Variants in MZT2A observed in about 807,000 individuals in gnomAD.
MZT2A encodes the protein mitotic spindle organizing protein 2A, also known as mitotic-spindle organizing protein 2A.
Under a neutral mutation model 12.4 loss-of-function variants are expected in MZT2A, and 8 were observed. The ratio of observed to expected loss-of-function variants is 0.64; its 90% CI spans 0.38 to 1.16. The LOEUF (loss-of-function observed/expected upper bound fraction) is 1.16. Among genes scored for constraint, MZT2A ranks in the 50% most tolerant of loss-of-function variants. MZT2A has a pLI of 0.01. For synonymous variants in MZT2A, 88 were observed against 107.5 expected, an observed-to-expected ratio of 0.82 and a Z score of 1.12; for missense variants, 181 against 223.6, an observed-to-expected ratio of 0.81 and a Z score of 1.22.
rs575592784 is a variant in MZT2A, at chr2:131,477,039, T to C, written c.279-4857A>G. 5.8e-5 allele frequency among the ~76,000 whole-genome samples: 7 copies of C among 120,098 alleles called. No individual in the cohort carries two copies. In the South Asian group the frequency reaches 1.5e-3, roughly 26 times the overall value. 78.8% of individuals were successfully genotyped at this position (120,098 alleles called of 152,430 possible). On this transcript the variant is annotated intron_variant and NMD_transcript_variant, in intron 2 of 4. Coordinates refer to the MZT2A transcript ENST00000427024. ...CTTTTTTTCCTTTCTTTTTCTTTCTTTTTTTTTTTTGAGACAGCACTCAAC... is the reference window on the plus strand; with the variant it reads ...CTTTTTTTCCTTTCTTTTTCTTTCTCTTTTTTTTTTGAGACAGCACTCAAC...
upstream of MZT2A, chr2:131,493,124 C>A (rs1573881869): frequency 6.7e-7 from 1 of 1,483,784 alleles, no homozygotes; most frequent in Non-Finnish European, 9.0e-7. Context: ...AAGCGGGCGA[C>A]GCTATGGGTC....
downstream of MZT2A, among the ~76,000 whole-genome samples, chr2:131,479,838 TCAAA>T (rs201000908): frequency 0.016 from 2,412 of 152,170 alleles, 57 homozygotes; most frequent in African/African-American, 0.054. Context: ...AGATTCCGTC[TCAAA>T]CAAACAAGCA....
chr2:131,474,516 T>G (rs1244540396), intron 2 of MZT2A, among the ~76,000 whole-genome samples: 2 of 151,274 alleles, frequency 1.3e-5, no homozygotes, highest in African/African-American at 4.9e-5. Context: ...TTCAAGTGAT[T>G]ATCCTACCTC....
intron 2 of MZT2A, chr2:131,478,302 T>C: frequency 1.2e-6 from 2 of 1,614,004 alleles, no homozygotes; most frequent in South Asian, 1.1e-5. Flanking sequence ...CGGGGACGAC[T>C]CCTTCAACAC....
chr2:131,471,216 G>C lies in MZT2A; in HGVS notation c.393+852C>G, dbSNP rs1440202425. ...CTGTGACTGTGTCAAGCAATGAGAC[G>C]CTGCCCAGCCCACACTGCACTCCCA... is the stretch of plus-strand genomic sequence containing the variant. On this transcript the variant is annotated intron_variant and NMD_transcript_variant, in intron 3 of 4. Transcript: ENST00000427024. Among the ~76,000 whole-genome samples, 6 of 140,010 alleles carry C rather than the reference G, an allele frequency of 4.3e-5. 2 individuals carry two copies. The highest frequency in any genetic ancestry group is 1.7e-4 in the African/African-American group (5 of 29,988). The allele number at this position is 140,010 out of a possible 152,430, so 91.9% of individuals were successfully genotyped here. A position where few individuals can be genotyped will look rare whatever the true frequency, so the allele number is the denominator to read the frequency against.
At chr2:131,493,632 T>C (rs1679437349), upstream of MZT2A, among the ~76,000 whole-genome samples, 2 of 152,034 alleles carry the variant, frequency 1.3e-5, no homozygotes, top group Admixed American at 6.5e-5. Flanking sequence ...TTGCTTGGAA[T>C]GATTAGCGTT....
downstream of MZT2A, among the ~76,000 whole-genome samples, chr2:131,481,654 C>T (rs1244337636): frequency 1.3e-5 from 2 of 152,020 alleles, no homozygotes; most frequent in South Asian, 2.1e-4. Context: ...AGGCTGGTCT[C>T]GAACTCCTGG....
At chr2:131,493,195 G>C, upstream of MZT2A, 1 of 1,398,122 alleles carries the variant, frequency 7.2e-7, no homozygotes, top group Non-Finnish European at 9.3e-7. Context: ...GGGCTTCCGC[G>C]AGCCCCTGCG....
chr2:131,486,851 C>T (rs943235770), intron 2 of MZT2A, among the ~76,000 whole-genome samples: 31 of 152,196 alleles, frequency 2.0e-4, no homozygotes, highest in Non-Finnish European at 3.7e-4. Context: ...CCAACATAAC[C>T]GTAAGCCATA....
chr2:131,475,285 G>C (rs894447286), intron 2 of MZT2A, among the ~76,000 whole-genome samples: 7 of 142,676 alleles, frequency 4.9e-5, no homozygotes, highest in South Asian at 2.3e-4. Context: ...CTGACCCAAC[G>C]TCTCCACTTA....
At position 131,488,652 on chromosome 2, in the gene MZT2A, T is replaced by G. The variant is rs566668755; in HGVS notation, c.319+3224A>C. Among the ~76,000 whole-genome samples, 6 of 152,172 alleles carry G rather than the reference T, an allele frequency of 3.9e-5. No homozygotes were observed. In the South Asian group the frequency reaches 1.0e-3, roughly 26 times the overall value. On this transcript the variant is annotated intron_variant, in intron 2 of 2. Coordinates refer to ENST00000309451, the MANE Select transcript of MZT2A (RefSeq NM_001085365.2). ...GGTCAGAAGCTGTAATATGTGGGCC[T>G]CAGAGAGCTCTCAGCATTCCATCTG...
downstream of MZT2A, chr2:131,479,562 G>A (rs540258250): frequency 1.7e-4 from 268 of 1,553,686 alleles, 1 homozygote; most frequent in Non-Finnish European, 1.9e-4. Context: ...CATCTTGGCC[G>A]GGCGCGGTGG....
downstream of MZT2A, chr2:131,482,411 A>G: frequency 7.5e-7 from 1 of 1,333,746 alleles, no homozygotes; most frequent in Non-Finnish European, 1.0e-6. Context: ...CCTGGTGCAG[A>G]GAAGGGCTTA....
chr2:131,477,104 C>A (rs1288289340), intron 2 of MZT2A, among the ~76,000 whole-genome samples: 1 of 151,048 alleles, frequency 6.6e-6, no homozygotes. Flanking sequence ...GTTGCAGGAT[C>A]ACGGCTCCCT....
chr2:131,489,487 C>A (rs186228535), intron 2 of MZT2A: 1 of 152,202 alleles, frequency 6.6e-6, no homozygotes, highest in Non-Finnish European at 1.5e-5. Context: ...GCCTCAGCCT[C>A]CCAAGTAGCT....
chr2:131,493,535 G>A (rs1198809791), upstream of MZT2A, among the ~76,000 whole-genome samples: 1 of 152,190 alleles, frequency 6.6e-6, no homozygotes, highest in Non-Finnish European at 1.5e-5. Context: ...CCGAGCCTTG[G>A]TTTCGGAGGC....
intron 2 of MZT2A, chr2:131,478,762 A>G (rs1678754175): frequency 3.3e-6 from 1 of 299,518 alleles, no homozygotes; most frequent in East Asian, 7.6e-5. Context: ...CATCTTAGGC[A>G]TAGAAGGTAA....
At chr2:131,492,754 AC>A, upstream of MZT2A, 1 of 956,030 alleles carries the variant, frequency 1.0e-6, no homozygotes, top group Non-Finnish European at 1.4e-6. Flanking sequence ...TCTGGTCCGC[AC>A]CGGTGCACCA....
chr2:131,489,011 C>T (rs1359124165), intron 2 of MZT2A, among the ~76,000 whole-genome samples: 1 of 151,778 alleles, frequency 6.6e-6, no homozygotes, highest in African/African-American at 2.4e-5. Flanking sequence ...CCCCACCTGC[C>T]TCCTCCTGCC....
Sources: gnomAD v4.1 joint callset for allele counts (sites outside exome capture counted in the v4.1 genomes callset) on GRCh38, gnomAD v4.1.1 for gene constraint, MANE v1.5 for transcripts, NCBI Gene and HGNC (gene_info 2026-07-23, HGNC 2026-07-21) for gene names.